Variants in RBX1 observed in about 807,000 individuals in gnomAD.
RBX1 encodes the protein ring-box 1, also known as E3 ubiquitin-protein ligase RBX1.
For missense variants in RBX1, 46 were observed against 141.4 expected, an observed-to-expected ratio of 0.33 and a Z score of 3.42; for synonymous variants, 48 against 47.9, an observed-to-expected ratio of 1.00 and a Z score of -0.01.
intron 3 of RBX1, chr22:40,967,269 G>C (rs1428929099): frequency 2.0e-5 from 3 of 152,936 alleles, no homozygotes; most frequent in African/African-American, 7.2e-5. Flanking sequence ...GAGCTGAGCT[G>C]GGTGTGGGGA....
At chr22:40,951,754 C>T (rs778398954) in intron 1 of RBX1, among the ~76,000 whole-genome samples, 19 of 136,010 alleles carry the variant, frequency 1.4e-4, no homozygotes, top group Non-Finnish European at 2.3e-4. Flanking sequence ...GGGAGCCAAG[C>T]GCTTGAGCTG....
chr22:40,960,350 G>C (rs1214688322), intron 2 of RBX1, among the ~76,000 whole-genome samples: 1 of 152,058 alleles, frequency 6.6e-6, no homozygotes, highest in Non-Finnish European at 1.5e-5. Flanking sequence ...GGGTGGAAGA[G>C]TCAGGAAAAG....
chr22:40,951,395 C>G lies in RBX1; in HGVS notation c.-4C>G. 1 of 1,612,526 alleles carries G rather than the reference C, an allele frequency of 6.2e-7. No homozygotes were observed. Among genetic ancestry groups the G allele is most frequent in the Non-Finnish European group, 8.5e-7 (1 of 1,179,118 alleles). On this transcript the variant is annotated 5_prime_UTR_variant, in exon 1 of 5. Transcript: ENST00000216225. ...GGTCGGACGACAGACCGTGTGTTTC[C>G]AAAATGGCGGCAGCGATGGATGTGG...
At chr22:40,957,968 G>A (rs987247583) in intron 2 of RBX1, among the ~76,000 whole-genome samples, 1 of 152,060 alleles carries the variant, frequency 6.6e-6, no homozygotes, top group South Asian at 2.1e-4. Flanking sequence ...GGGATTACAG[G>A]TACCCGCCAC....
chr22:40,965,159 C>T (rs1428928936), intron 3 of RBX1, among the ~76,000 whole-genome samples: 1 of 151,774 alleles, frequency 6.6e-6, no homozygotes, highest in Admixed American at 6.6e-5. Flanking sequence ...AAAAATTAGC[C>T]GGGTGTGGTG....
intron 3 of RBX1, chr22:40,967,387 G>A (rs1012612870): frequency 3.1e-5 from 5 of 160,326 alleles, no homozygotes; most frequent in African/African-American, 1.2e-4. Flanking sequence ...TTCTCCAGGG[G>A]CAGGAGGGTG....
intron 4 of RBX1, among the ~76,000 whole-genome samples, chr22:40,970,053 TAAA>T (rs71328761): frequency 3.8e-4 from 42 of 109,650 alleles, no homozygotes; most frequent in African/African-American, 9.0e-4. Context: ...AGACCCAATT[TAAA>T]AAAAAAAAAA....
chr22:40,961,915 G>A (rs939437072), intron 2 of RBX1, among the ~76,000 whole-genome samples: 3 of 151,608 alleles, frequency 2.0e-5, no homozygotes, highest in African/African-American at 7.3e-5. Flanking sequence ...CTCCTGAGTA[G>A]CTGGGATTAC....
At chr22:40,951,613 C>CG (rs1430502900) in intron 1 of RBX1, 137 bp downstream of exon 1, 8 of 778,266 alleles carry the variant, frequency 1.0e-5, no homozygotes, top group East Asian at 2.8e-5. Flanking sequence ...GAAAGGAAGC[C>CG]GGGGGGCGGG....
At chr22:40,954,968 G>A (rs2058321273) in intron 2 of RBX1, among the ~76,000 whole-genome samples, 1 of 152,100 alleles carries the variant, frequency 6.6e-6, no homozygotes, top group Admixed American at 6.6e-5. Flanking sequence ...TGTATTTTTA[G>A]TAGAGACACA....
In RBX1 at chr22:40,955,021, G is replaced by A. The variant is rs150447805; in HGVS notation, c.157+1388G>A. ...AGGCTGGCCTCGAACTCCTGACCTC[G>A]GGTGATCCGCGTGCCTCTGCCTCCC... is the stretch of plus-strand genomic sequence containing the variant. On this transcript the variant is annotated intron_variant, in intron 2 of 4. Transcript: ENST00000216225. Among the ~76,000 whole-genome samples the A allele has an allele frequency of 8.5e-3, 1,288 of 151,956 alleles. 19 individuals are homozygous for A. Among genetic ancestry groups the A allele is most frequent in the African/African-American group, 0.03 (1,247 of 41,436 alleles).
In RBX1 at chr22:40,958,491, A is replaced by G. The variant is rs145156811; in HGVS notation, c.157+4858A>G. ...TAATTATATACATAGCTCTAAGTAA[A>G]TAAGAATGATTATGGCTGTGCCCTA... On this transcript the variant is annotated intron_variant, in intron 2 of 4. Coordinates refer to ENST00000216225, the MANE Select transcript of RBX1 (RefSeq NM_014248.4). Among the ~76,000 whole-genome samples, 553 of 152,308 alleles carry G rather than the reference A, an allele frequency of 3.6e-3. 3 individuals carry two copies. Among genetic ancestry groups the G allele is most frequent in the African/African-American group, 0.012 (490 of 41,560 alleles).
chr22:40,967,671 T>C, intron 3 of RBX1, 128 bp from the exon 4 acceptor site: 1 of 638,198 alleles, frequency 1.6e-6, no homozygotes, highest in South Asian at 2.1e-5. Context: ...AACTTTTGCC[T>C]CTCGTTGTCT....
At chr22:40,964,183 G>A in intron 3 of RBX1, 66 bp downstream of exon 3, 1 of 1,277,156 alleles carries the variant, frequency 7.8e-7, no homozygotes, top group South Asian at 1.2e-5. Flanking sequence ...TGCTTTGCTA[G>A]TCTTGAAAAT....
At chr22:40,960,276 G>T (rs2058336336) in intron 2 of RBX1, among the ~76,000 whole-genome samples, 1 of 152,076 alleles carries the variant, frequency 6.6e-6, no homozygotes, top group Admixed American at 6.6e-5. Context: ...AGGGAGGTCA[G>T]GTATGTAAAG....
intron 2 of RBX1, among the ~76,000 whole-genome samples, chr22:40,959,933 A>G (rs780201903): frequency 6.6e-6 from 1 of 152,054 alleles, no homozygotes; most frequent in Non-Finnish European, 1.5e-5. Flanking sequence ...CCTGGCCAAC[A>G]TGGTGAAACC....
chr22:40,965,448 G>GT lies in RBX1; in HGVS notation c.228+1341dup, dbSNP rs917351753. Among the ~76,000 whole-genome samples, 285 of 134,362 alleles carry GT rather than the reference G, an allele frequency of 2.1e-3. 2 individuals are homozygous for GT. Among genetic ancestry groups the GT allele is most frequent in the African/African-American group, 5.3e-3 (193 of 36,596 alleles). 88.1% of individuals were successfully genotyped at this position (134,362 alleles called of 152,430 possible). A position where few individuals can be genotyped will look rare whatever the true frequency, so the allele number is the denominator to read the frequency against. ...TTTTTTTTTTTGTTTTTTGTTTTTT[G>GT]TTTTTTTTTTGAGACGGAGTCTCAC... On this transcript the variant is annotated intron_variant, in intron 3 of 4. Coordinates refer to ENST00000216225, the MANE Select transcript of RBX1 (RefSeq NM_014248.4).
At chr22:40,968,674 A>G (rs940561836) in intron 4 of RBX1, among the ~76,000 whole-genome samples, 3 of 152,188 alleles carry the variant, frequency 2.0e-5, no homozygotes, top group African/African-American at 7.2e-5. Context: ...ATACCACAGA[A>G]TATGAATTTC....
In RBX1 at chr22:40,964,322, T is replaced by C. The variant is rs2058348386; in HGVS notation, c.228+205T>C. 2.2e-5 allele frequency: 10 copies of C among 453,010 alleles called. No individual in the cohort carries two copies. In the East Asian group the frequency reaches 3.9e-4, roughly 18 times the overall value. 28.1% of individuals were successfully genotyped at this position (453,010 alleles called of 1,614,324 possible). On this transcript the variant is annotated intron_variant, in intron 3 of 4. Coordinates refer to ENST00000216225, the MANE Select transcript of RBX1 (RefSeq NM_014248.4). ...TACAGTTACTGCAAAGAGGCACTTATTTGTCTTAATTATAAAGTGGACCCA... is the reference window on the plus strand; with the variant it reads ...TACAGTTACTGCAAAGAGGCACTTACTTGTCTTAATTATAAAGTGGACCCA...
Sources: allele counts gnomAD v4.1 joint callset (sites outside exome capture counted in the v4.1 genomes callset), GRCh38; gene constraint gnomAD v4.1.1; transcripts MANE v1.5; gene names NCBI Gene and HGNC (gene_info 2026-07-23, HGNC 2026-07-21).